OPCML: variants seen among roughly 807,000 people sequenced by gnomAD.
The protein encoded by OPCML is opioid binding protein/cell adhesion molecule like.
In OPCML, 13 loss-of-function variants were observed where a neutral mutation model predicts 37.8. The ratio of observed to expected loss-of-function variants is 0.34; its 90% CI spans 0.22 to 0.55. The LOEUF (loss-of-function observed/expected upper bound fraction) is 0.55. OPCML is among the 20% of genes least tolerant of loss of function. OPCML has a pLI of 0.91. For missense variants in OPCML, 341 were observed against 435.6 expected, an observed-to-expected ratio of 0.78 and a Z score of 1.93; for synonymous variants, 176 against 168.8, an observed-to-expected ratio of 1.04 and a Z score of -0.33.
intron 4 of OPCML, among the ~76,000 whole-genome samples, chr11:132,452,042 G>A (rs1355788252): frequency 6.6e-6 from 1 of 152,048 alleles, no homozygotes; most frequent in Non-Finnish European, 1.5e-5. Context: ...GGACAGGCTA[G>A]GCTATTGGAT....
intron 1 of OPCML, chr11:133,360,744 TG>T (rs1944395199): frequency 6.6e-6 from 1 of 152,150 alleles, no homozygotes; most frequent in Non-Finnish European, 1.5e-5. Flanking sequence ...CACGGCCACG[TG>T]GGGAATATTT....
intron 2 of OPCML, among the ~76,000 whole-genome samples, chr11:132,809,951 G>A (rs980086833): frequency 6.6e-6 from 1 of 152,154 alleles, no homozygotes; most frequent in Admixed American, 6.5e-5. Context: ...CCGGGTTCAC[G>A]CCATTCTCCT....
intron 1 of OPCML, among the ~76,000 whole-genome samples, chr11:133,263,515 C>T (rs1282888431): frequency 6.6e-6 from 1 of 152,118 alleles, no homozygotes; most frequent in African/African-American, 2.4e-5. Context: ...GCTGTACCTT[C>T]TAGGTGTGTT....
intron 1 of OPCML, among the ~76,000 whole-genome samples, chr11:133,035,431 G>A (rs1947760037): frequency 6.6e-6 from 1 of 152,194 alleles, no homozygotes; most frequent in African/African-American, 2.4e-5. Flanking sequence ...CTGATGAGAG[G>A]AAAATGGACA....
intron 1 of OPCML, among the ~76,000 whole-genome samples, chr11:133,512,788 T>C (rs1948188245): frequency 6.6e-6 from 1 of 152,142 alleles, no homozygotes; most frequent in Admixed American, 6.5e-5. Context: ...TCTTAGGAGT[T>C]CCATGTCAGA....
intron 2 of OPCML, among the ~76,000 whole-genome samples, chr11:132,922,810 C>T (rs1239340793): frequency 1.3e-5 from 2 of 152,106 alleles, no homozygotes; most frequent in Admixed American, 6.5e-5. Flanking sequence ...CAGTGGCTCA[C>T]GTCTGTAATC....
At chr11:132,535,394 C>T (rs114609968) in intron 3 of OPCML, among the ~76,000 whole-genome samples, 1,948 of 152,152 alleles carry the variant, frequency 0.013, 42 homozygotes, top group African/African-American at 0.039. Context: ...CATGTCCTGC[C>T]CAGCCAGGAC....
At chr11:132,723,822 G>C (rs1944768448) in intron 2 of OPCML, among the ~76,000 whole-genome samples, 2 of 152,156 alleles carry the variant, frequency 1.3e-5, no homozygotes, top group Admixed American at 1.3e-4. Flanking sequence ...TCTGGAAGTA[G>C]GATGGTCCTC....
intron 1 of OPCML, among the ~76,000 whole-genome samples, chr11:133,089,356 T>C (rs1021346408): frequency 6.6e-6 from 1 of 152,256 alleles, no homozygotes; most frequent in Non-Finnish European, 1.5e-5. Flanking sequence ...AAGAGAATTT[T>C]ACTTACCTAG....
At chr11:132,762,354 C>T (rs1284587442) in intron 2 of OPCML, among the ~76,000 whole-genome samples, 1 of 152,224 alleles carries the variant, frequency 6.6e-6, no homozygotes, top group Non-Finnish European at 1.5e-5. Context: ...GGGACATCCG[C>T]CTCTCTCCTC....
At chr11:133,497,845 T>G (rs1565668448) in intron 1 of OPCML, among the ~76,000 whole-genome samples, 1 of 152,216 alleles carries the variant, frequency 6.6e-6, no homozygotes, top group East Asian at 1.9e-4. Context: ...CCATTAATCC[T>G]CTTTATTAAA....
At chr11:133,379,903 G>A (rs1389190564) in intron 1 of OPCML, among the ~76,000 whole-genome samples, 2 of 152,182 alleles carry the variant, frequency 1.3e-5, no homozygotes, top group Non-Finnish European at 2.9e-5. Context: ...TCTGGAATAT[G>A]TATTTGTAGT....
intron 7 of OPCML, among the ~76,000 whole-genome samples, chr11:132,421,513 T>C (rs1020607554): frequency 6.6e-6 from 1 of 152,208 alleles, no homozygotes; most frequent in Non-Finnish European, 1.5e-5. Flanking sequence ...CAGGAGGGAC[T>C]GATGGGAACA....
chr11:133,347,350 G>A (rs946313580), intron 1 of OPCML, among the ~76,000 whole-genome samples: 1 of 152,190 alleles, frequency 6.6e-6, no homozygotes, highest in African/African-American at 2.4e-5. Flanking sequence ...GAATTAGAAA[G>A]ATGGCCTTTT....
At chr11:133,425,371 C>T (rs1945981326) in intron 1 of OPCML, among the ~76,000 whole-genome samples, 1 of 152,154 alleles carries the variant, frequency 6.6e-6, no homozygotes. Flanking sequence ...TTGTGGTCTC[C>T]TTGGGGTGTT....
intron 1 of OPCML, among the ~76,000 whole-genome samples, chr11:132,998,721 C>T (rs73586502): frequency 0.034 from 5,246 of 152,150 alleles, 297 homozygotes; most frequent in African/African-American, 0.12. Flanking sequence ...ATGGAGCCCT[C>T]ATGAATGGGA....
intron 1 of OPCML, among the ~76,000 whole-genome samples, chr11:133,290,918 C>T (rs1457106521): frequency 6.6e-6 from 1 of 152,230 alleles, no homozygotes; most frequent in Non-Finnish European, 1.5e-5. Context: ...CCCAGGGCCA[C>T]TTGAATTGTG....
At chr11:132,420,347 G>A in intron 7 of OPCML, 54 bp from the exon 8 acceptor site, 2 of 1,598,366 alleles carry the variant, frequency 1.3e-6, no homozygotes, top group Non-Finnish European at 1.7e-6. Context: ...GGACACCATA[G>A]TTCTTCCCTG....
At chr11:132,975,760 G>A (rs1308259537) in intron 1 of OPCML, among the ~76,000 whole-genome samples, 1 of 151,740 alleles carries the variant, frequency 6.6e-6, no homozygotes, top group East Asian at 1.9e-4. Flanking sequence ...CTTCTAGATA[G>A]TACCTTCTCC....
Sources: gnomAD v4.1 joint callset for allele counts (sites outside exome capture counted in the v4.1 genomes callset) on GRCh38, gnomAD v4.1.1 for gene constraint, MANE v1.5 for transcripts, NCBI Gene and HGNC (gene_info 2026-07-23, HGNC 2026-07-21) for gene names.